The following LPP variants were observed in gnomAD, a reference collection of about 807,000 sequenced individuals.
The protein encoded by LPP is LIM domain containing preferred translocation partner in lipoma, also known as lipoma-preferred partner.
LPP carries 38 observed loss-of-function variants against 60.4 expected under a neutral mutation model. The ratio of observed to expected loss-of-function variants is 0.63; its 90% CI spans 0.49 to 0.83. The LOEUF (loss-of-function observed/expected upper bound fraction) is 0.83, where lower values mean the gene tolerates loss of function less well. Among genes scored for constraint, LPP ranks in the 40% least tolerant of loss-of-function variants. The pLI is 0.00. For synonymous variants in LPP, 328 were observed against 290.8 expected (o/e 1.13, Z -1.30); for missense variants, 902 against 783.6 (o/e 1.15, Z -1.80).
At chr3:188,641,766 G>C (rs1345998654) in intron 7 of LPP, among the ~76,000 whole-genome samples, 4 of 152,134 alleles carry the variant, frequency 2.6e-5, no homozygotes, top group African/African-American at 7.2e-5. Flanking sequence ...GCAAAGGAAG[G>C]TTTCGGATGG....
chr3:188,367,302 G>A (rs1051479394), intron 3 of LPP, among the ~76,000 whole-genome samples: 1 of 152,036 alleles, frequency 6.6e-6, no homozygotes, highest in African/African-American at 2.4e-5. Context: ...TTGTAGCAGA[G>A]GGAGAACCCA....
At chr3:188,250,814 CTT>C (rs1237400844) in intron 2 of LPP, among the ~76,000 whole-genome samples, 1 of 144,092 alleles carries the variant, frequency 6.9e-6, no homozygotes, top group African/African-American at 2.6e-5. Flanking sequence ...CTTTCTCTTT[CTT>C]TCTTTCTTTT....
intron 2 of LPP, among the ~76,000 whole-genome samples, chr3:188,299,318 C>T (rs1437211683): frequency 6.6e-6 from 1 of 152,206 alleles, no homozygotes; most frequent in Non-Finnish European, 1.5e-5. Flanking sequence ...AAAAACCTGT[C>T]TGATCAATGG....
intron 8 of LPP, among the ~76,000 whole-genome samples, chr3:188,725,976 G>A (rs1718241117): frequency 6.6e-6 from 1 of 152,150 alleles, no homozygotes; most frequent in Non-Finnish European, 1.5e-5. Context: ...GACTGCCAAA[G>A]AATATTGGAA....
Position 188,609,230 on chromosome 3 carries a change from C to T in LPP, c.499C>T (p.Pro167Ser), listed in dbSNP as rs763195409. ...PVTGHKRMVI[P>S]NQPPLTATKK... ...CACAGGACACAAGAGAATGGTCATC[C>T]CGAACCAACCCCCTCTAACAGCAAC... Residue 167 changes from proline (P) to serine (S), a missense_variant, in exon 7 of 12, where the codon CCG becomes TCG. By Grantham distance (74) the Pro-to-Ser change is moderately conservative. Transcript: ENST00000617246. This position sits in a 1 kb window ranked among gnomAD's most constrained non-coding sequence, Gnocchi z 6.9. The T allele has an allele frequency of 6.8e-6, 11 of 1,613,840 alleles. No homozygotes were observed. Among genetic ancestry groups the T allele is most frequent in the Non-Finnish European group, 9.3e-6 (11 of 1,179,978 alleles).
chr3:188,429,661 C>T (rs948181053), intron 4 of LPP, among the ~76,000 whole-genome samples: 1 of 152,146 alleles, frequency 6.6e-6, no homozygotes, highest in Non-Finnish European at 1.5e-5. Context: ...TATATGAGCC[C>T]GTCTTCCCTT....
In LPP at chr3:188,327,464, A is replaced by G. The variant is rs75796573; in HGVS notation, c.-66-14199A>G. Among the ~76,000 whole-genome samples, 397 of 152,290 alleles carry G rather than the reference A, an allele frequency of 2.6e-3. 1 individual carries two copies. Among genetic ancestry groups the G allele is most frequent in the African/African-American group, 8.9e-3 (368 of 41,568 alleles). ...ACAGAAATCTTATGAGGTAGTTCCC[A>G]TTGTATTCTTATTTTACGTTAAAGA... On this transcript the variant is annotated intron_variant, in intron 2 of 11. Transcript: ENST00000617246.
chr3:188,661,429 G>A (rs148563204), intron 7 of LPP, among the ~76,000 whole-genome samples: 34 of 152,274 alleles, frequency 2.2e-4, no homozygotes, highest in Admixed American at 1.4e-3. Flanking sequence ...GCCTTCCAAA[G>A]TATCTGTACC....
chr3:188,710,216 G>C (rs1161598019), intron 8 of LPP: 2 of 152,200 alleles, frequency 1.3e-5, no homozygotes, highest in Non-Finnish European at 2.9e-5. Context: ...AGATGAAGTA[G>C]GAGGTATTAG....
At chr3:188,555,172 ATC>A (rs1451529738) in intron 6 of LPP, among the ~76,000 whole-genome samples, 1 of 152,154 alleles carries the variant, frequency 6.6e-6, no homozygotes, top group Non-Finnish European at 1.5e-5. Context: ...CATGGCTGGC[ATC>A]TGGCATTTTT....
At chr3:188,765,410 G>GA (rs1733709367) in intron 9 of LPP, among the ~76,000 whole-genome samples, 1 of 151,956 alleles carries the variant, frequency 6.6e-6, no homozygotes, top group Admixed American at 6.6e-5. Context: ...TCAAGAAAGA[G>GA]AAAAATTTGT....
chr3:188,806,194 G>C (rs1165785971), intron 9 of LPP, among the ~76,000 whole-genome samples: 1 of 151,756 alleles, frequency 6.6e-6, no homozygotes, highest in East Asian at 1.9e-4. Context: ...CATAATTGTA[G>C]GTTTGTCTAT....
intron 4 of LPP, among the ~76,000 whole-genome samples, chr3:188,463,690 T>C (rs948965479): frequency 6.6e-6 from 1 of 152,192 alleles, no homozygotes; most frequent in Non-Finnish European, 1.5e-5. Flanking sequence ...ATAAGCAGTA[T>C]GATATTTAGT....
chr3:188,635,849 C>T (rs560185587), intron 7 of LPP, among the ~76,000 whole-genome samples: 10 of 152,282 alleles, frequency 6.6e-5, no homozygotes, highest in South Asian at 6.2e-4. Context: ...TGGAGAAATT[C>T]CAGTCACCGG....
intron 2 of LPP, among the ~76,000 whole-genome samples, chr3:188,287,073 G>A (rs921715718): frequency 6.6e-6 from 1 of 152,034 alleles, no homozygotes; most frequent in African/African-American, 2.4e-5. Flanking sequence ...GCTAATTTTT[G>A]TATTTTTCTT....
chr3:188,217,795 C>T lies in LPP; in HGVS notation c.-189-7610C>T, dbSNP rs541641423. Among the ~76,000 whole-genome samples, 15 of 152,242 alleles carry T rather than the reference C, an allele frequency of 9.9e-5. No homozygotes were observed. Among genetic ancestry groups the T allele is most frequent in the African/African-American group, 3.6e-4 (15 of 41,526 alleles). On this transcript the variant is annotated intron_variant, in intron 1 of 11. Coordinates refer to ENST00000617246, the MANE Select transcript of LPP (RefSeq NM_001375462.1). This position sits in a 1 kb window ranked among gnomAD's most constrained non-coding sequence, Gnocchi z 4.0. ...AGACCAAAGAGTATCTGTTTCTCAC[C>T]CCTCTCCCATTTAGTTTCTAACCTT...
chr3:188,339,609 A>G (rs1303363259), intron 2 of LPP, among the ~76,000 whole-genome samples: 2 of 152,176 alleles, frequency 1.3e-5, no homozygotes, highest in Non-Finnish European at 2.9e-5. Flanking sequence ...GAAATGCCAG[A>G]TGCTTATAAA....
At chr3:188,280,983 G>A (rs890261364) in intron 2 of LPP, among the ~76,000 whole-genome samples, 2 of 150,680 alleles carry the variant, frequency 1.3e-5, no homozygotes, top group Non-Finnish European at 2.9e-5. Flanking sequence ...TGCCCAGGCT[G>A]GAGTGCAATG....
At chr3:188,818,942 T>C (rs1402002188) in intron 9 of LPP, among the ~76,000 whole-genome samples, 1 of 152,090 alleles carries the variant, frequency 6.6e-6, no homozygotes. Flanking sequence ...AAGATAATTG[T>C]CTGGTAATTG....
Sources: gnomAD v4.1 joint callset for allele counts (sites outside exome capture counted in the v4.1 genomes callset) on GRCh38, gnomAD v4.1.1 for gene constraint, Gnocchi (gnomAD v3.1) non-coding constraint, MANE v1.5 for transcripts, NCBI Gene and HGNC (gene_info 2026-07-23, HGNC 2026-07-21) for gene names.